Variants in USH1C observed in about 807,000 individuals in gnomAD.
USH1C encodes the protein USH1 protein network component harmonin.
A neutral mutation model predicts 119.3 loss-of-function variants in USH1C; 90 were observed. The observed-to-expected ratio is 0.75, with a 90% confidence interval of 0.64 to 0.90. USH1C has a LOEUF of 0.90. USH1C is among the 40% of genes least tolerant of loss of function. The pLI, the probability that USH1C is intolerant of heterozygous loss-of-function variation, is 0.00. For missense variants in USH1C, 1,165 were observed against 1,167.7 expected, an observed-to-expected ratio of 1.00 and a Z score of 0.03; for synonymous variants, 465 against 443.3, an observed-to-expected ratio of 1.05 and a Z score of -0.62.
At chr11:17,526,982 G>A (rs1383202780) in intron 6 of USH1C, 34 bp downstream of exon 6, 63 of 1,563,124 alleles carry the variant, frequency 4.0e-5, no homozygotes, top group Non-Finnish European at 5.2e-5. Flanking sequence ...GGGCCCACAG[G>A]GAAGAGTTGG....
intron 2 of USH1C, among the ~76,000 whole-genome samples, chr11:17,532,044 C>A (rs1592025263): frequency 6.6e-6 from 1 of 152,188 alleles, no homozygotes; most frequent in Admixed American, 6.5e-5. Flanking sequence ...GGCTTAAAAC[C>A]CTTTGATGGC....
Position 17,527,877 on chromosome 11 carries a change from A to G in USH1C, c.388-546T>C, listed in dbSNP as rs150875820. Among the ~76,000 whole-genome samples, 864 of 151,874 alleles carry G rather than the reference A, an allele frequency of 5.7e-3. 7 individuals carry two copies. Among genetic ancestry groups the G allele is most frequent in the African/African-American group, 0.018 (731 of 41,418 alleles). The stretch of plus-strand genomic sequence containing the variant: ...CACACACATATGATTTTTTTTTCCC[A>G]TCATATGGAAACTTGATGAACATTT... On this transcript the variant is annotated intron_variant, in intron 4 of 26. Transcript: ENST00000005226.
At chr11:17,511,758 C>T (rs1051692184) in intron 16 of USH1C, 144 bp downstream of exon 16, 25 of 973,684 alleles carry the variant, frequency 2.6e-5, no homozygotes, top group Middle Eastern at 3.0e-4. Context: ...ATCTCTCTCT[C>T]CAGGCTGGGG....
chr11:17,518,021 G>A (rs1384547058), intron 14 of USH1C, among the ~76,000 whole-genome samples: 2 of 152,238 alleles, frequency 1.3e-5, no homozygotes, highest in Admixed American at 6.5e-5. Context: ...GACATAATGT[G>A]GAGAGAAGAG....
chr11:17,514,159 C>T (rs12786834), intron 15 of USH1C, among the ~76,000 whole-genome samples: 3,420 of 152,306 alleles, frequency 0.022, 54 homozygotes, highest in Admixed American at 0.051. Context: ...GGCCTGGGAA[C>T]CTTGAGCCCC....
chr11:17,521,489 T>G, intron 12 of USH1C, 78 bp from the exon 13 acceptor site: 1 of 1,522,036 alleles, frequency 6.6e-7, no homozygotes, highest in Non-Finnish European at 9.1e-7. Context: ...ATTCTTGATT[T>G]GGAGAAAAGT....
chr11:17,498,245 T>C lies in USH1C; in HGVS notation c.2407A>G (p.Met803Val). The C allele has an allele frequency of 3.1e-6, 5 of 1,614,172 alleles. No individual in the cohort carries two copies. Among genetic ancestry groups the C allele is most frequent in the Non-Finnish European group, 3.4e-6 (4 of 1,180,018 alleles). ...HGGIVKGDEI[M>V]AINGKIVTDY... is the part of the protein sequence containing the mutation. ...GTCACAATCTTGCCGTTGATTGCCA[T>C]GATCTCGTCCCCTTTCACAATGCCA... Residue 803 changes from methionine to valine, a missense_variant, in exon 24 of 27, where the codon ATG becomes GTG. By Grantham distance (21) the Met-to-Val change is conservative. Coordinates refer to ENST00000005226, the MANE Select transcript of USH1C (RefSeq NM_153676.4).
rs763837481 is a variant in USH1C at position 17,517,457 on chromosome 11, G to A, written c.1211-1167C>T. 7 of 1,594,720 alleles carry A rather than the reference G, an allele frequency of 4.4e-6. No homozygotes were observed. In the Admixed American group the frequency reaches 1.0e-4, roughly 24 times the overall value. Reference sequence around the variant, plus strand: ...AGGTCATCTGCGGGCTCGAGCTCAGGTTCCACTCCCTGATCATCTACCCAG... The same window carrying A: ...AGGTCATCTGCGGGCTCGAGCTCAGATTCCACTCCCTGATCATCTACCCAG... On this transcript the variant is annotated intron_variant, in intron 14 of 26. Coordinates refer to ENST00000005226, the MANE Select transcript of USH1C (RefSeq NM_153676.4).
intron 1 of USH1C, among the ~76,000 whole-genome samples, chr11:17,538,884 T>C (rs1357935977): frequency 1.3e-5 from 2 of 152,156 alleles, no homozygotes; most frequent in African/African-American, 4.8e-5. Flanking sequence ...CAGCCCTGGT[T>C]CTCACCTGTT....
In USH1C at chr11:17,510,453, A is replaced by G. The variant is rs1297198302; in HGVS notation, c.1482T>C (p.Cys494=). Residue 494 remains cysteine, a synonymous_variant, in exon 17 of 27, where the codon TGT becomes TGC. Coordinates refer to ENST00000005226, the MANE Select transcript of USH1C (RefSeq NM_153676.4). ...EKIQYWVERL[C]QTRLEQISSA... ...AGGAAATCTGCTCGAGGCGCGTTTG[A>G]CAGAGCCTCTCCACCCAATATTGAA... 6.2e-7 allele frequency: 1 copy of G among 1,613,202 alleles called. No homozygotes were observed. Among genetic ancestry groups the G allele is most frequent in the Admixed American group, 1.7e-5 (1 of 59,982 alleles).
At chr11:17,508,117 C>T (rs1183701128) in intron 18 of USH1C, among the ~76,000 whole-genome samples, 1 of 152,208 alleles carries the variant, frequency 6.6e-6, no homozygotes, top group Non-Finnish European at 1.5e-5. Context: ...AAAGCTACTG[C>T]TCATCTTGAT....
intron 12 of USH1C, among the ~76,000 whole-genome samples, chr11:17,522,209 C>G (rs2133873780): frequency 6.6e-6 from 1 of 152,304 alleles, no homozygotes; most frequent in East Asian, 1.9e-4. Context: ...ATTGCTCACC[C>G]CATTTATTCT....
chr11:17,508,926 C>T (rs1565031743), intron 18 of USH1C, among the ~76,000 whole-genome samples: 1 of 152,178 alleles, frequency 6.6e-6, no homozygotes, highest in East Asian at 1.9e-4. Context: ...CCTCCCCTCC[C>T]TTTTTTTCCC....
intron 1 of USH1C, among the ~76,000 whole-genome samples, chr11:17,541,687 GA>G (rs1366125510): frequency 2.4e-4 from 36 of 152,326 alleles, no homozygotes; most frequent in African/African-American, 8.4e-4. Flanking sequence ...CTAGTTACTG[GA>G]AGGGTATGCA....
intron 23 of USH1C, among the ~76,000 whole-genome samples, chr11:17,499,134 G>A (rs539114710): frequency 7.0e-4 from 107 of 152,350 alleles, no homozygotes; most frequent in African/African-American, 2.3e-3. Context: ...GACAGATTGT[G>A]CGTGGTTTTC....
chr11:17,509,451 T>C lies in USH1C; in HGVS notation c.1918A>G (p.Thr640Ala), dbSNP rs761028001. 3.1e-6 allele frequency: 5 copies of C among 1,606,622 alleles called. No homozygotes were observed. The highest frequency in any genetic ancestry group is 4.3e-6 in the Non-Finnish European group (5 of 1,176,290). Residue 640 changes from threonine to alanine, a missense_variant, in exon 18 of 27, where the codon ACA becomes GCA. Transcript: ENST00000005226. ...LSNHPFRTGD[T>A]GNPVEDWEAK... ...TCCCAGTCCTCCACTGGATTGCCTG[T>C]GTCCCCAGTGCGGAAGGGATGGTTG...
At chr11:17,516,469 G>T in intron 14 of USH1C, 179 bp from the exon 15 acceptor site, 1 of 688,524 alleles carries the variant, frequency 1.5e-6, no homozygotes, top group Non-Finnish European at 2.6e-6. Flanking sequence ...CCTTGCCTTG[G>T]TTGCAGAACA....
At chr11:17,506,473 G>T (rs774161381) in intron 18 of USH1C, among the ~76,000 whole-genome samples, 2 of 152,198 alleles carry the variant, frequency 1.3e-5, no homozygotes, top group Non-Finnish European at 2.9e-5. Flanking sequence ...TTTTGGGCAA[G>T]ATGTATCAAA....
At position 17,531,487 on chromosome 11, in the gene USH1C, T is replaced by G. The variant is rs199749712; in HGVS notation, c.160A>C (p.Ser54Arg). 1 of 1,613,992 alleles carries G rather than the reference T, an allele frequency of 6.2e-7. No individual in the cohort carries two copies. Among genetic ancestry groups the G allele is most frequent in the Admixed American group, 1.7e-5 (1 of 60,022 alleles). Residue 54 changes from serine to arginine, a missense_variant, in exon 3 of 27, where the codon AGC becomes CGC. Ser to Arg is a moderately radical substitution (Grantham distance 110, BLOSUM62 -1). Transcript: ENST00000005226. This position sits in a 1 kb window ranked among gnomAD's most constrained non-coding sequence, Gnocchi z 4.2. ...GDLKLVINEPSRLPLFDAIRP... is the reference protein window; with the variant it reads ...GDLKLVINEPRRLPLFDAIRP... ...ATGGCATCAAACAGAGGCAGACGGC[T>G]GGGTTCATTGATGACCAGCTTCAGG...
Sources: gnomAD v4.1 joint callset for allele counts (sites outside exome capture counted in the v4.1 genomes callset) on GRCh38, gnomAD v4.1.1 for gene constraint, Gnocchi (gnomAD v3.1) non-coding constraint, MANE v1.5 for transcripts, NCBI Gene and HGNC (gene_info 2026-07-23, HGNC 2026-07-21) for gene names.